CSMD1: variants seen among roughly 807,000 people sequenced by gnomAD.
CSMD1 encodes CUB and Sushi multiple domains 1, also known as CUB and sushi domain-containing protein 1.
Under a neutral mutation model 417.5 loss-of-function variants are expected in CSMD1, and 213 were observed. That is an observed-to-expected ratio of 0.51 (90% CI 0.46 to 0.57). CSMD1 has a LOEUF of 0.57. Among genes scored for constraint, CSMD1 ranks in the 20% least tolerant of loss-of-function variants. The pLI is 0.00. For missense variants in CSMD1, 6,923 were observed against 4,529.7 expected, an observed-to-expected ratio of 1.53 and a Z score of -15.17; for synonymous variants, 2,862 against 1,736.8, an observed-to-expected ratio of 1.65 and a Z score of -16.11.
intron 3 of CSMD1, among the ~76,000 whole-genome samples, chr8:4,233,501 G>C (rs941024305): frequency 4.1e-4 from 63 of 152,248 alleles, no homozygotes; most frequent in African/African-American, 1.4e-3. Context: ...TCATGAACGG[G>C]ATTAGTGCCC....
At chr8:4,693,633 A>G (rs574431816) in intron 1 of CSMD1, among the ~76,000 whole-genome samples, 2 of 152,242 alleles carry the variant, frequency 1.3e-5, no homozygotes, top group East Asian at 1.9e-4. Flanking sequence ...CATTTTTTCA[A>G]ATGGGTGATC....
At chr8:3,178,229 G>A (rs1585566138) in intron 37 of CSMD1, among the ~76,000 whole-genome samples, 1 of 152,094 alleles carries the variant, frequency 6.6e-6, no homozygotes, top group Non-Finnish European at 1.5e-5. Context: ...TTTTGTTTGA[G>A]AAATTTCCAC....
At chr8:3,857,661 T>C (rs1804407008) in intron 5 of CSMD1, among the ~76,000 whole-genome samples, 1 of 152,048 alleles carries the variant, frequency 6.6e-6, no homozygotes, top group Non-Finnish European at 1.5e-5. Flanking sequence ...TCCGAATGAG[T>C]GGAATTTTAA....
At chr8:4,044,889 C>T (rs1216317311) in intron 3 of CSMD1, among the ~76,000 whole-genome samples, 1 of 152,142 alleles carries the variant, frequency 6.6e-6, no homozygotes, top group Non-Finnish European at 1.5e-5. Context: ...GCCCTCAGGC[C>T]CAGACTGACT....
intron 6 of CSMD1, among the ~76,000 whole-genome samples, chr8:3,717,521 T>C (rs1801909825): frequency 6.6e-6 from 1 of 152,194 alleles, no homozygotes; most frequent in African/African-American, 2.4e-5. Flanking sequence ...CCTTGTCACA[T>C]GGCCATGAAA....
rs754763751 is a variant in CSMD1 at position 3,574,938 on chromosome 8, G to A, written c.1344+7C>T. The A allele has an allele frequency of 1.9e-6, 3 of 1,611,916 alleles. No homozygotes were observed. The highest frequency in any genetic ancestry group is 2.7e-5 in the African/African-American group (2 of 74,992). ...ATTAACCACAGGGGTTGGAGGCGGA[G>A]CCTTACCTTGTCCGGGTCGGTGGTG... On this transcript the variant is annotated splice_region_variant and intron_variant, in intron 10 of 69. Coordinates refer to ENST00000635120, the MANE Select transcript of CSMD1 (RefSeq NM_033225.6).
intron 49 of CSMD1, among the ~76,000 whole-genome samples, chr8:3,078,396 T>G (rs1035295263): frequency 6.6e-6 from 1 of 152,210 alleles, no homozygotes; most frequent in Admixed American, 6.5e-5. Flanking sequence ...TGAATAAACA[T>G]GCTGGATTTT....
intron 17 of CSMD1, 52 bp downstream of exon 17, chr8:3,396,142 G>A: frequency 6.8e-7 from 1 of 1,466,352 alleles, no homozygotes; most frequent in Middle Eastern, 2.3e-4. Flanking sequence ...CAGATCTTTA[G>A]TTCTCCCATG....
intron 12 of CSMD1, among the ~76,000 whole-genome samples, chr8:3,416,043 T>G (rs1813124488): frequency 1.3e-5 from 2 of 152,156 alleles, no homozygotes; most frequent in Non-Finnish European, 2.9e-5. Context: ...GGCTCACACC[T>G]GTAATCCTAG....
chr8:3,165,396 G>T (rs75777772), intron 37 of CSMD1, among the ~76,000 whole-genome samples: 1 of 151,974 alleles, frequency 6.6e-6, no homozygotes, highest in South Asian at 2.1e-4. Flanking sequence ...GTCATCATGA[G>T]AACAGTGGTT....
intron 2 of CSMD1, among the ~76,000 whole-genome samples, chr8:4,527,006 T>A (rs915193636): frequency 6.6e-6 from 1 of 152,220 alleles, no homozygotes; most frequent in African/African-American, 2.4e-5. Context: ...ACAAAGTCTT[T>A]ATAGAGCTAT....
At chr8:3,719,587 A>G (rs922376265) in intron 6 of CSMD1, among the ~76,000 whole-genome samples, 1 of 152,172 alleles carries the variant, frequency 6.6e-6, no homozygotes, top group South Asian at 2.1e-4. Flanking sequence ...ATCTCTTGCA[A>G]GAGTGCTGTG....
At chr8:4,181,372 T>C (rs528592530) in intron 3 of CSMD1, among the ~76,000 whole-genome samples, 1 of 152,100 alleles carries the variant, frequency 6.6e-6, no homozygotes, top group East Asian at 1.9e-4. Context: ...TATTTATTTT[T>C]TTTTTGAATG....
intron 27 of CSMD1, among the ~76,000 whole-genome samples, chr8:3,224,815 G>C (rs750743409): frequency 3.3e-5 from 5 of 152,120 alleles, no homozygotes; most frequent in African/African-American, 4.8e-5. Context: ...TGTGAGATAA[G>C]GTTTCTCCTA....
chr8:4,977,757 C>T (rs2117413366), intron 1 of CSMD1, among the ~76,000 whole-genome samples: 1 of 152,308 alleles, frequency 6.6e-6, no homozygotes, highest in Admixed American at 6.5e-5. Context: ...GCAGGTTCAC[C>T]TGCTAGAGAT....
chr8:3,770,898 G>A (rs1317114126), intron 5 of CSMD1, among the ~76,000 whole-genome samples: 1 of 152,162 alleles, frequency 6.6e-6, no homozygotes, highest in Admixed American at 6.6e-5. Context: ...CATTTTGCAG[G>A]ATTAAATTAA....
At chr8:3,560,005 G>A (rs1307320646) in intron 10 of CSMD1, among the ~76,000 whole-genome samples, 1 of 152,086 alleles carries the variant, frequency 6.6e-6, no homozygotes, top group Non-Finnish European at 1.5e-5. Flanking sequence ...AAGATGAGTG[G>A]CCAGCGTAAG....
At chr8:4,231,356 G>A (rs1189195101) in intron 3 of CSMD1, among the ~76,000 whole-genome samples, 4 of 152,114 alleles carry the variant, frequency 2.6e-5, no homozygotes, top group South Asian at 4.1e-4. Context: ...ACCTAGCATT[G>A]CTGGATAATT....
At chr8:4,298,622 C>T (rs1000301980) in intron 3 of CSMD1, among the ~76,000 whole-genome samples, 7 of 152,092 alleles carry the variant, frequency 4.6e-5, no homozygotes, top group South Asian at 2.1e-4. Flanking sequence ...CATATGCAAA[C>T]GTTATAGAAC....
Sources: allele counts gnomAD v4.1 joint callset (sites outside exome capture counted in the v4.1 genomes callset), GRCh38; gene constraint gnomAD v4.1.1; transcripts MANE v1.5; gene names NCBI Gene and HGNC (gene_info 2026-07-23, HGNC 2026-07-21).